Variants in KLRD1 observed in about 807,000 individuals in gnomAD.
KLRD1 encodes the protein natural killer cells antigen CD94.
In KLRD1, 21 loss-of-function variants were observed where a neutral mutation model predicts 22.6. The observed-to-expected ratio is 0.93, with a 90% CI of 0.66 to 1.34. KLRD1 has a LOEUF of 1.34. Among genes scored for constraint, KLRD1 ranks in the 40% most tolerant of loss-of-function variants. The pLI, the probability that KLRD1 is intolerant of heterozygous loss-of-function variation, is 0.00. For synonymous variants in KLRD1, 59 were observed against 71.1 expected (o/e 0.83, Z 0.85); for missense variants, 183 against 208.6 (o/e 0.88, Z 0.76).
chr12:10,243,636 G>GAAAAAAAAAAAAAAAAAAA (rs1949263487), intron 1 of KLRD1, among the ~76,000 whole-genome samples: 1 of 124,426 alleles, frequency 8.0e-6, no homozygotes, highest in East Asian at 2.4e-4. Flanking sequence ...AAAAAAAACC[G>GAAAAAAAAAAAAAAAAAAA]AAATGAAAGA....
chr12:10,295,708 T>G (rs1194666256), intron 1 of KLRD1, among the ~76,000 whole-genome samples: 1 of 151,964 alleles, frequency 6.6e-6, no homozygotes, highest in African/African-American at 2.4e-5. Context: ...AACAGAAACA[T>G]TTACAATAAA....
intron 1 of KLRD1, among the ~76,000 whole-genome samples, chr12:10,281,846 G>A (rs1041344544): frequency 2.0e-5 from 3 of 152,192 alleles, no homozygotes; most frequent in African/African-American, 7.2e-5. Flanking sequence ...CAGGTGAAGA[G>A]CAAGACTATA....
chr12:10,239,884 C>T (rs998495903), intron 1 of KLRD1, among the ~76,000 whole-genome samples: 1 of 151,314 alleles, frequency 6.6e-6, no homozygotes, highest in African/African-American at 2.4e-5. Context: ...TGAAGTGATC[C>T]GCCCGCCTCA....
At chr12:10,262,969 C>A (rs1162570900) in intron 1 of KLRD1, among the ~76,000 whole-genome samples, 1 of 151,780 alleles carries the variant, frequency 6.6e-6, no homozygotes, top group East Asian at 1.9e-4. Flanking sequence ...GTTAGTTAAC[C>A]CAGGCAGTCA....
At chr12:10,286,811 G>A (rs564164228) in intron 1 of KLRD1, among the ~76,000 whole-genome samples, 4 of 151,688 alleles carry the variant, frequency 2.6e-5, no homozygotes, top group East Asian at 1.9e-4. Flanking sequence ...ATCTGGTCCC[G>A]TAACTGTTTA....
At chr12:10,300,242 G>T (rs959577654), upstream of KLRD1, among the ~76,000 whole-genome samples, 1 of 152,148 alleles carries the variant, frequency 6.6e-6, no homozygotes, top group South Asian at 2.1e-4. Flanking sequence ...ATCTTTGGTA[G>T]TTAGAGCCTT....
intron 1 of KLRD1, among the ~76,000 whole-genome samples, chr12:10,255,105 G>GGCGCCTGCCTGTAATCCC (rs1342695985): frequency 1.3e-5 from 2 of 152,026 alleles, no homozygotes; most frequent in East Asian, 1.9e-4. Flanking sequence ...AGATGCTGGT[G>GGCGCCTGCCTGTAATCCC]AGGATGCAGA....
At chr12:10,263,118 C>G (rs975711515) in intron 1 of KLRD1, among the ~76,000 whole-genome samples, 1 of 151,966 alleles carries the variant, frequency 6.6e-6, no homozygotes, top group African/African-American at 2.4e-5. Flanking sequence ...TTTTCCTACT[C>G]AGATTGTCAT....
At chr12:10,260,941 C>CA (rs1429695434) in intron 1 of KLRD1, among the ~76,000 whole-genome samples, 89 of 129,262 alleles carry the variant, frequency 6.9e-4, no homozygotes, top group African/African-American at 2.4e-3. Context: ...GACTCCATCA[C>CA]AAAAAACAAC....
At chr12:10,266,045 A>T (rs1257725367) in intron 1 of KLRD1, among the ~76,000 whole-genome samples, 1 of 151,766 alleles carries the variant, frequency 6.6e-6, no homozygotes, top group Non-Finnish European at 1.5e-5. Context: ...ACCGTTTTCA[A>T]TTTTTTTTGC....
chr12:10,281,952 T>A (rs1949648125), intron 1 of KLRD1, among the ~76,000 whole-genome samples: 1 of 152,192 alleles, frequency 6.6e-6, no homozygotes, highest in Non-Finnish European at 1.5e-5. Context: ...TAAATAGAAT[T>A]CTGTAGTCTT....
At chr12:10,297,203 G>T (rs1949830113) in intron 1 of KLRD1, among the ~76,000 whole-genome samples, 1 of 152,176 alleles carries the variant, frequency 6.6e-6, no homozygotes, top group Non-Finnish European at 1.5e-5. Flanking sequence ...CTGGTGTGTG[G>T]ACACCATCTC....
chr12:10,312,679 C>G (rs1278399922), intron 4 of KLRD1, among the ~76,000 whole-genome samples: 1 of 151,266 alleles, frequency 6.6e-6, no homozygotes, highest in Non-Finnish European at 1.5e-5. Context: ...TGCCCGGCCC[C>G]TAATTACCCA....
rs1949451100 is a variant in KLRD1 at position 10,261,218 on chromosome 12, GA to G, written c.-101+34987del. ...CAGTAGGGAAGGATGTTGCAATTAT[GA>G]AGAGCACCTTCTAAGAATACTGTAT... On this transcript the variant is annotated intron_variant, in intron 1 of 5. Transcript: ENST00000544747. 2.0e-5 allele frequency among the ~76,000 whole-genome samples: 3 copies of G among 152,174 alleles called. No homozygotes were observed. In the South Asian group the frequency reaches 6.2e-4, roughly 32 times the overall value.
In KLRD1 at chr12:10,327,987, A is replaced by G. The variant is rs1950376178; in HGVS notation, c.*13194A>G. On this transcript the variant is annotated 3_prime_UTR_variant, in exon 6 of 6. Coordinates refer to ENST00000336164, the MANE Select transcript of KLRD1 (RefSeq NM_002262.5). ...ATTAATTGATTTTGTATGTTAGGCT[A>G]TCCTTGCACCCCAGGGATAAATGCC... 6.6e-6 allele frequency: 1 copy of G among 152,130 alleles called. No individual in the cohort carries two copies. The highest frequency in any genetic ancestry group is 1.5e-5 in the Non-Finnish European group (1 of 68,004). The allele number at this position is 152,130 out of a possible 1,614,324, so 9.4% of individuals were successfully genotyped here.
At chr12:10,301,087 C>T (rs1416444805), upstream of KLRD1, among the ~76,000 whole-genome samples, 1 of 152,066 alleles carries the variant, frequency 6.6e-6, no homozygotes, top group East Asian at 1.9e-4. Flanking sequence ...GAAAATGGCC[C>T]CACCCCCAAA....
chr12:10,298,786 G>A lies in KLRD1; in HGVS notation c.-100-9192G>A, dbSNP rs147716029. 1.4e-4 allele frequency among the ~76,000 whole-genome samples: 22 copies of A among 152,330 alleles called. No individual in the cohort carries two copies. The East Asian group carries it at 3.9e-3, about 27-fold the overall frequency. On this transcript the variant is annotated intron_variant, in intron 1 of 5. Coordinates refer to the KLRD1 transcript ENST00000544747. ...TTGTTTCCCATAAGGAATACTTTCA[G>A]TTAATCTATAATCTATAGAAACAAT...
rs1312120581 is a variant in KLRD1 at position 10,317,118 on chromosome 12, CT to C, written c.*2330del. ...TCGCTGCAAAGGACATGAACTCATT[CT>C]TTTTATGGCTGCATAGTATTCCATG... On this transcript the variant is annotated 3_prime_UTR_variant, in exon 6 of 6. Transcript: ENST00000336164. The C allele has an allele frequency of 6.6e-6, 1 of 152,094 alleles. No individual in the cohort carries two copies. Among genetic ancestry groups the C allele is most frequent in the African/African-American group, 2.4e-5 (1 of 41,394 alleles). 9.4% of individuals were successfully genotyped at this position (152,094 alleles called of 1,614,324 possible).
chr12:10,310,032 G>A (rs1950023381), intron 3 of KLRD1, among the ~76,000 whole-genome samples: 2 of 152,132 alleles, frequency 1.3e-5, no homozygotes, highest in African/African-American at 2.4e-5. Flanking sequence ...CTATACTTTT[G>A]CATCTCACTA....
Sources: gnomAD v4.1 joint callset for allele counts (sites outside exome capture counted in the v4.1 genomes callset) on GRCh38, gnomAD v4.1.1 for gene constraint, MANE v1.5 for transcripts, NCBI Gene and HGNC (gene_info 2026-07-23, HGNC 2026-07-21) for gene names.